Variants in PKD2L2 observed in about 807,000 individuals in gnomAD.
PKD2L2 encodes the protein polycystin-2-like protein 2.
PKD2L2 carries 67 observed loss-of-function variants against 83.9 expected under a neutral mutation model. The ratio of observed to expected loss-of-function variants is 0.80; its 90% confidence interval spans 0.66 to 0.98. The LOEUF is 0.98. Ranked by LOEUF, PKD2L2 falls within the 50% of genes least tolerant of loss-of-function variation. The pLI, the probability that PKD2L2 is intolerant of heterozygous loss-of-function variation, is 0.00. For missense variants in PKD2L2, 632 were observed against 717.2 expected (o/e 0.88, Z 1.36); for synonymous variants, 223 against 237.8 (o/e 0.94, Z 0.57).
intron 8 of PKD2L2, among the ~76,000 whole-genome samples, chr5:137,913,448 G>A (rs1758036021): frequency 6.6e-6 from 1 of 151,258 alleles, no homozygotes; most frequent in Non-Finnish European, 1.5e-5. Context: ...GACTCCCAAA[G>A]TGCTGGGATA....
At chr5:137,890,210 G>A in intron 1 of PKD2L2, 1 of 251,928 alleles carries the variant, frequency 4.0e-6, no homozygotes, top group Non-Finnish European at 7.4e-6. Flanking sequence ...TTGAACCGGG[G>A]AGGCGGAGGC....
At chr5:137,908,277 C>T (rs949300018) in intron 7 of PKD2L2, among the ~76,000 whole-genome samples, 1 of 151,918 alleles carries the variant, frequency 6.6e-6, no homozygotes, top group Non-Finnish European at 1.5e-5. Flanking sequence ...CACTGCACTC[C>T]AGCCTGGATG....
intron 14 of PKD2L2, among the ~76,000 whole-genome samples, chr5:137,937,651 C>A (rs980969561): frequency 3.3e-5 from 5 of 152,192 alleles, no homozygotes; most frequent in Middle Eastern, 3.2e-3. Context: ...TCACCTTCCT[C>A]AGGACAAGCT....
At chr5:137,905,240 C>T (rs905221220) in intron 5 of PKD2L2, among the ~76,000 whole-genome samples, 7 of 152,218 alleles carry the variant, frequency 4.6e-5, no homozygotes, top group Admixed American at 2.0e-4. Context: ...TGTTAACTGG[C>T]GTATCTAATC....
intron 8 of PKD2L2, among the ~76,000 whole-genome samples, chr5:137,911,563 T>C (rs1239865515): frequency 6.6e-6 from 1 of 152,138 alleles, no homozygotes; most frequent in Non-Finnish European, 1.5e-5. Flanking sequence ...TTATATATAT[T>C]TATGCTATAT....
rs1166355153 is a variant in PKD2L2, at chr5:137,890,571, A to G, written c.122A>G (p.Asn41Ser). The G allele has an allele frequency of 2.2e-6, 3 of 1,357,906 alleles. No individual in the cohort carries two copies. The allele number at this position is 1,357,906 out of a possible 1,614,324, so 84.1% of individuals were successfully genotyped here. A position where few individuals can be genotyped will look rare whatever the true frequency, so the allele number is the denominator to read the frequency against. Residue 41 changes from asparagine (N) to serine (S), a missense_variant, in exon 2 of 15, where the codon AAC becomes AGC. This residue lies in a region of PKD2L2 where 229 missense variants were observed against 281.5 expected (regional missense o/e 0.81). Coordinates refer to ENST00000508883, the MANE Select transcript of PKD2L2 (RefSeq NM_001300921.2). ...ELLLYFIFLINLCILTFGMVN... is the reference protein window; with the variant it reads ...ELLLYFIFLISLCILTFGMVN... ...TTACTCTACTTTATTTTTTTAATAA[A>G]CCTATGTATATGTAAGTACACAGAT...
At position 137,904,575 on chromosome 5, in the gene PKD2L2, G is replaced by T. The variant is rs140451552; in HGVS notation, c.747-1631G>T. Among the ~76,000 whole-genome samples, 477 of 152,166 alleles carry T rather than the reference G, an allele frequency of 3.1e-3. 1 individual carries two copies. The highest frequency in any genetic ancestry group is 5.6e-3 in the Non-Finnish European group (384 of 67,992). On this transcript the variant is annotated intron_variant, in intron 5 of 14. Transcript: ENST00000508883. ...TGGGAACTAAATAATAAGAACACAT[G>T]GACAGAAAAGGGGGAACAACAGACA...
intron 8 of PKD2L2, among the ~76,000 whole-genome samples, chr5:137,909,275 T>G (rs1212067286): frequency 6.6e-6 from 1 of 152,076 alleles, no homozygotes. Flanking sequence ...GTGAACCTCC[T>G]GCCTCGGCCT....
At chr5:137,889,653 C>T (rs920890283) in intron 1 of PKD2L2, 131 bp downstream of exon 1, 3 of 720,988 alleles carry the variant, frequency 4.2e-6, no homozygotes, top group Admixed American at 8.2e-5. Flanking sequence ...TCACAGCCTC[C>T]CCTGGGGAAG....
intron 8 of PKD2L2, among the ~76,000 whole-genome samples, chr5:137,916,052 A>G (rs975940580): frequency 6.7e-6 from 1 of 149,852 alleles, no homozygotes; most frequent in Non-Finnish European, 1.5e-5. Flanking sequence ...CTTTTTTTTA[A>G]GAGATGGAGG....
intron 5 of PKD2L2, among the ~76,000 whole-genome samples, chr5:137,900,383 T>G (rs949215596): frequency 2.6e-5 from 4 of 152,230 alleles, no homozygotes; most frequent in Admixed American, 2.6e-4. Flanking sequence ...GAACCTTTAA[T>G]AACACCATGG....
rs1313744725 is a variant in PKD2L2 at position 137,906,286 on chromosome 5, G to C, written c.827G>C (p.Ser276Thr). ...TCTGTGAAGCTCCTCAGATATGTTA[G>C]CTACTATGACTATTTTATTGCTTCC... ...FYSVKLLRYV[S>T]YYDYFIASCE... Residue 276 changes from serine to threonine, a missense_variant, in exon 6 of 15, where the codon AGC (serine) becomes ACC (threonine). By Grantham distance (58) the Ser-to-Thr change is moderately conservative (BLOSUM62 1). This residue lies in a region of PKD2L2 where 399 missense variants were observed against 416.9 expected (regional missense o/e 0.96). Coordinates refer to ENST00000508883, the MANE Select transcript of PKD2L2 (RefSeq NM_001300921.2). The C allele has an allele frequency of 1.7e-5, 27 of 1,611,620 alleles. No individual in the cohort carries two copies. The highest frequency in any genetic ancestry group is 2.1e-5 in the Non-Finnish European group (25 of 1,177,996).
chr5:137,892,727 A>AT, intron 3 of PKD2L2, 114 bp downstream of exon 3: 1 of 884,852 alleles, frequency 1.1e-6, no homozygotes, highest in Non-Finnish European at 1.7e-6. Flanking sequence ...AATAAATGTC[A>AT]TTTCTTTAAA....
At chr5:137,903,846 T>C (rs1243285738) in intron 5 of PKD2L2, among the ~76,000 whole-genome samples, 2 of 152,190 alleles carry the variant, frequency 1.3e-5, no homozygotes, top group Non-Finnish European at 2.9e-5. Flanking sequence ...AACCTCTGCT[T>C]CCTGGGTTCA....
At chr5:137,899,422 A>G in intron 4 of PKD2L2, 94 bp from the exon 5 acceptor site, 3 of 910,398 alleles carry the variant, frequency 3.3e-6, no homozygotes, top group Non-Finnish European at 3.4e-6. Context: ...TGGCCAAAAA[A>G]CTACTACTTT....
intron 12 of PKD2L2, among the ~76,000 whole-genome samples, chr5:137,931,098 G>A (rs984957499): frequency 1.3e-5 from 2 of 152,020 alleles, no homozygotes; most frequent in African/African-American, 2.4e-5. Flanking sequence ...AATAACATTT[G>A]AAAAACTGAA....
chr5:137,902,176 G>A (rs750684887), intron 5 of PKD2L2, among the ~76,000 whole-genome samples: 24 of 152,014 alleles, frequency 1.6e-4, no homozygotes, highest in Admixed American at 1.2e-3. Flanking sequence ...GAAGGGTTCC[G>A]ATTATTCAAG....
intron 5 of PKD2L2, among the ~76,000 whole-genome samples, chr5:137,902,206 A>G (rs928644564): frequency 1.3e-5 from 2 of 152,186 alleles, no homozygotes; most frequent in Non-Finnish European, 2.9e-5. Flanking sequence ...GACTTCTTTT[A>G]TGACATGGAC....
chr5:137,912,502 C>T (rs896780628), intron 8 of PKD2L2, among the ~76,000 whole-genome samples: 1 of 150,636 alleles, frequency 6.6e-6, no homozygotes, highest in Non-Finnish European at 1.5e-5. Context: ...AAGTAGCTGG[C>T]ATTACAGGCA....
Sources: allele counts gnomAD v4.1 joint callset (sites outside exome capture counted in the v4.1 genomes callset), GRCh38; gene constraint gnomAD v4.1.1; regional missense constraint gnomAD v4.1.1; transcripts MANE v1.5; gene names NCBI Gene and HGNC (gene_info 2026-07-23, HGNC 2026-07-21).